ASIC2: variants seen among roughly 807,000 people sequenced by gnomAD.
ASIC2 encodes acid sensing ion channel subunit 2, also known as acid-sensing ion channel 2.
A neutral mutation model predicts 57.3 loss-of-function variants in ASIC2; 25 were observed. The ratio of observed to expected loss-of-function variants is 0.44; its 90% CI spans 0.32 to 0.61. ASIC2 has a LOEUF of 0.61. Among genes scored for constraint, ASIC2 ranks in the 20% least tolerant of loss-of-function variants. The pLI, the probability that ASIC2 is intolerant of heterozygous loss-of-function variation, is 0.06. For missense variants in ASIC2, 641 were observed against 738.1 expected, an observed-to-expected ratio of 0.87 and a Z score of 1.52; for synonymous variants, 319 against 307.5, an observed-to-expected ratio of 1.04 and a Z score of -0.39.
At chr17:33,139,039 T>G (rs755058161) in intron 1 of ASIC2, among the ~76,000 whole-genome samples, 27 of 152,238 alleles carry the variant, frequency 1.8e-4, no homozygotes, top group South Asian at 6.2e-4. Flanking sequence ...TTTTCCTCAA[T>G]TGTAAAGTGG....
chr17:33,244,595 T>C (rs1031182272), intron 1 of ASIC2, among the ~76,000 whole-genome samples: 1 of 152,220 alleles, frequency 6.6e-6, no homozygotes, highest in African/African-American at 2.4e-5. Context: ...ATAATCTACT[T>C]TACCACGAGA....
At chr17:33,851,833 G>C (rs1402291166) in intron 1 of ASIC2, among the ~76,000 whole-genome samples, 2 of 152,202 alleles carry the variant, frequency 1.3e-5, no homozygotes, top group African/African-American at 4.8e-5. Flanking sequence ...CAGTCTTTTA[G>C]GAACCTCAGC....
intron 1 of ASIC2, among the ~76,000 whole-genome samples, chr17:33,786,350 G>T (rs1159491382): frequency 6.6e-6 from 1 of 152,028 alleles, no homozygotes; most frequent in Non-Finnish European, 1.5e-5. Flanking sequence ...GTGACCTTGA[G>T]CTCCAAGTAC....
chr17:33,028,229 C>A lies in ASIC2; in HGVS notation c.1138+13G>T. 6.2e-7 allele frequency: 1 copy of A among 1,613,448 alleles called. No individual in the cohort carries two copies. The highest frequency in any genetic ancestry group is 8.5e-7 in the Non-Finnish European group (1 of 1,179,840). On this transcript the variant is annotated intron_variant, in intron 4 of 9. Coordinates refer to ENST00000225823, the MANE Select transcript of ASIC2 (RefSeq NM_183377.2). ...ATCCCAGGGCCCTGTGGCCACCCTG[C>A]CCTGGCACTGACCTGGCATGTGAAC...
chr17:33,339,149 G>GA (rs1265836621), intron 1 of ASIC2, among the ~76,000 whole-genome samples: 3 of 152,180 alleles, frequency 2.0e-5, no homozygotes, highest in Non-Finnish European at 4.4e-5. Flanking sequence ...GGGCAACAAT[G>GA]AAGAAAAGGT....
intron 1 of ASIC2, among the ~76,000 whole-genome samples, chr17:33,861,928 G>A (rs1914111989): frequency 6.6e-6 from 1 of 152,172 alleles, no homozygotes; most frequent in African/African-American, 2.4e-5. Context: ...ATACAAAGTG[G>A]TATTTAACTC....
intron 1 of ASIC2, among the ~76,000 whole-genome samples, chr17:33,643,867 T>G (rs1906658483): frequency 6.6e-6 from 1 of 152,204 alleles, no homozygotes; most frequent in Admixed American, 6.5e-5. Flanking sequence ...TGACGCTCAG[T>G]AATTAGTAGG....
intron 1 of ASIC2, among the ~76,000 whole-genome samples, chr17:33,202,811 G>A (rs1307153427): frequency 6.6e-6 from 1 of 151,004 alleles, no homozygotes; most frequent in Non-Finnish European, 1.5e-5. Context: ...TGGATGGGTG[G>A]GGGTGACCTT....
intron 1 of ASIC2, among the ~76,000 whole-genome samples, chr17:33,723,486 G>A (rs1406791513): frequency 2.6e-5 from 4 of 152,084 alleles, no homozygotes; most frequent in African/African-American, 4.8e-5. Flanking sequence ...ATGCCACCAT[G>A]TCTGGCTAAT....
At chr17:33,657,233 C>T (rs1033333439) in intron 1 of ASIC2, among the ~76,000 whole-genome samples, 5 of 152,190 alleles carry the variant, frequency 3.3e-5, no homozygotes, top group African/African-American at 1.2e-4. Context: ...GTCCAAACCC[C>T]CCATCCTGGG....
chr17:34,044,603 C>T (rs192337833), intron 1 of ASIC2, among the ~76,000 whole-genome samples: 2 of 152,264 alleles, frequency 1.3e-5, no homozygotes, highest in Admixed American at 1.3e-4. Context: ...AATGAGGAGG[C>T]ACCTAGAGGA....
chr17:34,112,624 T>C (rs1470400789), intron 1 of ASIC2, among the ~76,000 whole-genome samples: 2 of 152,164 alleles, frequency 1.3e-5, no homozygotes, highest in Admixed American at 6.5e-5. Context: ...GCCTTATGTA[T>C]TAATCCCTAG....
intron 1 of ASIC2, among the ~76,000 whole-genome samples, chr17:33,882,079 C>T (rs990815534): frequency 5.9e-5 from 9 of 152,292 alleles, no homozygotes; most frequent in Admixed American, 2.0e-4. Flanking sequence ...GAAACTGGAT[C>T]CCTTCCTTAC....
At chr17:33,063,666 C>A (rs2092030324) in intron 3 of ASIC2, among the ~76,000 whole-genome samples, 1 of 152,290 alleles carries the variant, frequency 6.6e-6, no homozygotes, top group Non-Finnish European at 1.5e-5. Flanking sequence ...CAAGGAGTAT[C>A]TTTGTGGCAT....
intron 1 of ASIC2, among the ~76,000 whole-genome samples, chr17:33,835,358 C>T (rs751161342): frequency 6.6e-6 from 1 of 152,150 alleles, no homozygotes; most frequent in Non-Finnish European, 1.5e-5. Flanking sequence ...GTACTTTGTA[C>T]GTATTTTCCC....
At chr17:33,871,010 G>A (rs1329080033) in intron 1 of ASIC2, among the ~76,000 whole-genome samples, 1 of 152,176 alleles carries the variant, frequency 6.6e-6, no homozygotes, top group Admixed American at 6.5e-5. Context: ...ATGAAGCTGG[G>A]CATCTTGGCT....
intron 1 of ASIC2, among the ~76,000 whole-genome samples, chr17:33,967,206 C>T (rs1905100135): frequency 6.6e-6 from 1 of 152,058 alleles, no homozygotes; most frequent in South Asian, 2.1e-4. Context: ...ACCACCATTC[C>T]CTATTACCCA....
At chr17:33,065,846 C>T (rs1278583838) in intron 3 of ASIC2, among the ~76,000 whole-genome samples, 2 of 152,148 alleles carry the variant, frequency 1.3e-5, no homozygotes, top group African/African-American at 4.8e-5. Flanking sequence ...TTCATTTATC[C>T]TTCATAGGAG....
At chr17:33,576,422 C>T (rs183180221) in intron 1 of ASIC2, among the ~76,000 whole-genome samples, 1 of 152,322 alleles carries the variant, frequency 6.6e-6, no homozygotes, top group East Asian at 1.9e-4. Context: ...TAGCACATAG[C>T]AGGCACCCTC....
Sources: allele counts gnomAD v4.1 joint callset (sites outside exome capture counted in the v4.1 genomes callset), GRCh38; gene constraint gnomAD v4.1.1; transcripts MANE v1.5; gene names NCBI Gene and HGNC (gene_info 2026-07-23, HGNC 2026-07-21).